Variants in STK3 observed in about 807,000 individuals in gnomAD.
STK3 encodes the protein serine/threonine-protein kinase 3.
STK3 carries 41 observed loss-of-function variants against 58.0 expected under a neutral mutation model. The observed-to-expected ratio is 0.71, with a 90% confidence interval of 0.55 to 0.92. STK3 has a LOEUF of 0.92. Ranked by LOEUF, STK3 falls within the 40% of genes least tolerant of loss-of-function variation. The pLI, the probability that STK3 is intolerant of heterozygous loss-of-function variation, is 0.00. For synonymous variants in STK3, 170 were observed against 191.0 expected, an observed-to-expected ratio of 0.89 and a Z score of 0.91; for missense variants, 479 against 602.7, an observed-to-expected ratio of 0.79 and a Z score of 2.15.
rs929321585 is a variant in STK3 at position 98,743,706 on chromosome 8, A to C, written c.351+5570T>G. On this transcript the variant is annotated intron_variant, in intron 4 of 10. Coordinates refer to ENST00000419617, the MANE Select transcript of STK3 (RefSeq NM_006281.4). The stretch of plus-strand genomic sequence containing the variant: ...ACTTCATGTCTAAAACACCAAAAGC[A>C]ATGGCAACAAAAGCCAAAATTGACA... 2.0e-5 allele frequency among the ~76,000 whole-genome samples: 3 copies of C among 152,164 alleles called. No individual in the cohort carries two copies. The East Asian group carries it at 5.8e-4, about 29-fold the overall frequency.
chr8:98,742,920 T>C (rs1157529599), intron 4 of STK3, among the ~76,000 whole-genome samples: 1 of 151,932 alleles, frequency 6.6e-6, no homozygotes, highest in Non-Finnish European at 1.5e-5. Flanking sequence ...ATCACAAGCA[T>C]TCTTATACAC....
intron 1 of STK3, among the ~76,000 whole-genome samples, chr8:98,386,532 T>C (rs111492669): frequency 0.016 from 2,408 of 152,306 alleles, 62 homozygotes; most frequent in African/African-American, 0.053. Flanking sequence ...ATTATTAGAT[T>C]ATATATACAT....
At chr8:98,614,609 GC>G (rs1732446005) in intron 6 of STK3, among the ~76,000 whole-genome samples, 10 of 149,796 alleles carry the variant, frequency 6.7e-5, no homozygotes, top group Admixed American at 1.3e-4. Context: ...TGCGCACCGT[GC>G]GCGAGCCGAA....
At chr8:98,707,352 GTTAGATA>G in intron 4 of STK3, 41 bp from the exon 5 acceptor site, 1 of 1,399,858 alleles carries the variant, frequency 7.1e-7, no homozygotes, top group Non-Finnish European at 9.6e-7. Context: ...AAAATGCCAC[GTTAGATA>G]AAATCTTACG....
chr8:98,717,340 T>A (rs1002031812), intron 4 of STK3, among the ~76,000 whole-genome samples: 2 of 151,870 alleles, frequency 1.3e-5, no homozygotes. Flanking sequence ...AATAAAAAAA[T>A]CAAATTCAAA....
chr8:98,701,633 T>C (rs56126163), intron 6 of STK3, among the ~76,000 whole-genome samples: 1 of 149,562 alleles, frequency 6.7e-6, no homozygotes, highest in Non-Finnish European at 1.5e-5. Flanking sequence ...AAAAAAAATA[T>C]ATATATATAT....
chr8:98,913,971 G>A (rs1839246733), intron 1 of STK3, among the ~76,000 whole-genome samples: 1 of 151,424 alleles, frequency 6.6e-6, no homozygotes, highest in Non-Finnish European at 1.5e-5. Flanking sequence ...ACTTTAGTTT[G>A]TTTCTATCCA....
intron 10 of STK3, among the ~76,000 whole-genome samples, chr8:98,475,116 G>A (rs1182011869): frequency 6.6e-6 from 1 of 152,092 alleles, no homozygotes; most frequent in Non-Finnish European, 1.5e-5. Context: ...TGAAATCTGA[G>A]CTCATCTGTA....
intron 3 of STK3, among the ~76,000 whole-genome samples, chr8:98,841,781 T>C (rs959728970): frequency 6.6e-6 from 1 of 151,018 alleles, no homozygotes; most frequent in Non-Finnish European, 1.5e-5. Context: ...AAAATAATAA[T>C]AGTAATAAAA....
chr8:98,711,179 T>C (rs967871629), intron 4 of STK3, among the ~76,000 whole-genome samples: 10 of 151,980 alleles, frequency 6.6e-5, no homozygotes, highest in African/African-American at 2.4e-4. Context: ...ACCACAAAGA[T>C]GCAGAAAAAA....
chr8:98,386,502 T>C (rs1032589648), intron 1 of STK3, among the ~76,000 whole-genome samples: 1 of 152,168 alleles, frequency 6.6e-6, no homozygotes, highest in African/African-American at 2.4e-5. Context: ...TAGGGAAGTA[T>C]TTTACCTGAG....
At chr8:98,370,635 A>T (rs563516141), downstream of STK3, among the ~76,000 whole-genome samples, 1 of 152,340 alleles carries the variant, frequency 6.6e-6, no homozygotes, top group East Asian at 1.9e-4. Flanking sequence ...AATGTGTGCC[A>T]GCCTTCTGAG....
chr8:98,828,399 C>T (rs577322044), upstream of STK3, among the ~76,000 whole-genome samples: 94 of 121,530 alleles, frequency 7.7e-4, no homozygotes, highest in East Asian at 1.6e-3. Context: ...CCCATGAGTT[C>T]GAGACCAGCC....
At chr8:98,896,259 G>T (rs906821660) in intron 1 of STK3, among the ~76,000 whole-genome samples, 1 of 152,142 alleles carries the variant, frequency 6.6e-6, no homozygotes, top group African/African-American at 2.4e-5. Flanking sequence ...ATTCACGAGA[G>T]AAAATTCTCC....
intron 1 of STK3, among the ~76,000 whole-genome samples, chr8:98,895,694 A>G (rs1838418440): frequency 6.6e-6 from 1 of 152,148 alleles, no homozygotes; most frequent in African/African-American, 2.4e-5. Flanking sequence ...TGCTGAGTGG[A>G]GAGGGGGAGA....
At chr8:98,923,421 C>T (rs1839648077) in intron 1 of STK3, among the ~76,000 whole-genome samples, 1 of 152,140 alleles carries the variant, frequency 6.6e-6, no homozygotes, top group Non-Finnish European at 1.5e-5. Context: ...AGAACAAATG[C>T]ATTGATAGTT....
intron 1 of STK3, chr8:98,437,804 C>T (rs575196498): frequency 6.6e-6 from 1 of 152,338 alleles, no homozygotes; most frequent in South Asian, 2.1e-4. Flanking sequence ...AGGCCACCAT[C>T]ACAGGATCGG....
At chr8:98,786,402 G>A (rs970619971) in intron 1 of STK3, among the ~76,000 whole-genome samples, 3 of 152,158 alleles carry the variant, frequency 2.0e-5, no homozygotes, top group African/African-American at 7.2e-5. Context: ...TTAAAAATTA[G>A]CTGGGCATGA....
intron 3 of STK3, chr8:98,429,328 A>G (rs752051290): frequency 1.2e-6 from 2 of 1,614,188 alleles, no homozygotes; most frequent in Admixed American, 3.3e-5. Flanking sequence ...TATTATGCCC[A>G]TAAAGTTAAA....
Sources: gnomAD v4.1 joint callset for allele counts (sites outside exome capture counted in the v4.1 genomes callset) on GRCh38, gnomAD v4.1.1 for gene constraint, MANE v1.5 for transcripts, NCBI Gene and HGNC (gene_info 2026-07-23, HGNC 2026-07-21) for gene names.